AGR3: variants seen among roughly 807,000 people sequenced by gnomAD.
The protein encoded by AGR3 is anterior gradient 3, protein disulphide isomerase family member.
AGR3 carries 37 observed loss-of-function variants against 24.5 expected under a neutral mutation model. The observed-to-expected ratio is 1.51, with a 90% CI of 1.16 to 1.99. AGR3 has a LOEUF of 1.99. Ranked by LOEUF, AGR3 falls within the 30% of genes most tolerant of loss-of-function variation. The pLI is 0.00. For synonymous variants in AGR3, 75 were observed against 61.6 expected, an observed-to-expected ratio of 1.22 and a Z score of -1.02; for missense variants, 228 against 191.1, an observed-to-expected ratio of 1.19 and a Z score of -1.14.
At chr7:16,878,391 A>T in intron 2 of AGR3, 119 bp downstream of exon 2, 5 of 852,690 alleles carry the variant, frequency 5.9e-6, no homozygotes, top group Non-Finnish European at 9.0e-6. Context: ...AGTCACACAC[A>T]ACAAAAATCA....
At chr7:16,856,079 T>A (rs986214109), downstream of AGR3, among the ~76,000 whole-genome samples, 8 of 152,224 alleles carry the variant, frequency 5.3e-5, no homozygotes, top group African/African-American at 1.9e-4. Context: ...GTTTCTCTAC[T>A]GATTTCACAT....
chr7:16,865,827 A>C lies in AGR3; in HGVS notation c.174-3165T>G. On this transcript the variant is annotated intron_variant, in intron 3 of 7. Transcript: ENST00000310398. ...AAATCTGGTAAAACTGGATTAATCC[A>C]CTCTTGTACTTGAATACCATTCTCC... 2.7e-6 allele frequency: 2 copies of C among 744,156 alleles called. 1 individual carries two copies. Among genetic ancestry groups the C allele is most frequent in the Non-Finnish European group, 5.0e-6 (2 of 397,332 alleles). 46.1% of individuals were successfully genotyped at this position (744,156 alleles called of 1,614,324 possible). A position where few individuals can be genotyped will look rare whatever the true frequency, so the allele number is the denominator to read the frequency against.
intron 3 of AGR3, among the ~76,000 whole-genome samples, chr7:16,870,322 G>T (rs150214527): frequency 2.6e-5 from 4 of 151,710 alleles, no homozygotes; most frequent in Non-Finnish European, 5.9e-5. Context: ...AGTTTTTCAC[G>T]TATATAAATT....
intron 2 of AGR3, among the ~76,000 whole-genome samples, chr7:16,875,494 A>G (rs866790701): frequency 1.2e-4 from 18 of 151,976 alleles, no homozygotes; most frequent in African/African-American, 4.4e-4. Flanking sequence ...ACCATATTTT[A>G]TTTATCTGTT....
At chr7:16,876,468 A>G (rs929956258) in intron 2 of AGR3, among the ~76,000 whole-genome samples, 1 of 151,882 alleles carries the variant, frequency 6.6e-6, no homozygotes, top group African/African-American at 2.4e-5. Flanking sequence ...CCTTTTTCTA[A>G]TTAATCTTCC....
chr7:16,868,566 G>A (rs1321916585), intron 3 of AGR3, among the ~76,000 whole-genome samples: 3 of 152,104 alleles, frequency 2.0e-5, no homozygotes, highest in African/African-American at 7.2e-5. Flanking sequence ...CTTTTCAGAT[G>A]TATGGCTTTC....
chr7:16,863,337 A>C (rs1781685874), intron 3 of AGR3, among the ~76,000 whole-genome samples: 1 of 152,196 alleles, frequency 6.6e-6, no homozygotes, highest in Non-Finnish European at 1.5e-5. Context: ...AAGTTTTTAC[A>C]AAAAAGCTGT....
intron 2 of AGR3, among the ~76,000 whole-genome samples, chr7:16,874,675 CCA>C (rs1781951201): frequency 6.6e-6 from 1 of 152,098 alleles, no homozygotes; most frequent in Admixed American, 6.6e-5. Flanking sequence ...TGTTGTCAGA[CCA>C]CAGTTTCTGG....
intron 2 of AGR3, among the ~76,000 whole-genome samples, chr7:16,877,489 C>T (rs532417521): frequency 2.0e-4 from 30 of 151,848 alleles, no homozygotes; most frequent in Non-Finnish European, 4.0e-4. Flanking sequence ...TGTGGTAATA[C>T]TGCTGATTTT....
chr7:16,863,896 G>A (rs763032005), intron 3 of AGR3, among the ~76,000 whole-genome samples: 8 of 151,484 alleles, frequency 5.3e-5, no homozygotes, highest in Non-Finnish European at 8.8e-5. Flanking sequence ...ACCCATAATT[G>A]CATCCTAAAC....
downstream of AGR3, among the ~76,000 whole-genome samples, chr7:16,856,314 T>C (rs1030910564): frequency 2.6e-5 from 4 of 152,176 alleles, no homozygotes; most frequent in African/African-American, 9.7e-5. Flanking sequence ...TGAATAGAAA[T>C]GTTGCTATTT....
downstream of AGR3, among the ~76,000 whole-genome samples, chr7:16,855,552 C>G (rs565014945): frequency 5.3e-5 from 8 of 152,122 alleles, no homozygotes; most frequent in Non-Finnish European, 1.0e-4. Context: ...CTTATTTTGT[C>G]AGATTGTGTG....
At chr7:16,876,364 G>C (rs1243204991) in intron 2 of AGR3, among the ~76,000 whole-genome samples, 1 of 152,034 alleles carries the variant, frequency 6.6e-6, no homozygotes, top group Non-Finnish European at 1.5e-5. Flanking sequence ...CCAATCACTG[G>C]ACTAGGTACT....
chr7:16,874,949 C>G (rs553784515), intron 2 of AGR3, among the ~76,000 whole-genome samples: 1 of 151,912 alleles, frequency 6.6e-6, no homozygotes, highest in South Asian at 2.1e-4. Flanking sequence ...TAATCTGTCT[C>G]TACTAAAAAT....
intron 1 of AGR3, among the ~76,000 whole-genome samples, chr7:16,881,609 A>G (rs967681777): frequency 2.0e-5 from 3 of 152,226 alleles, no homozygotes; most frequent in African/African-American, 7.2e-5. Flanking sequence ...TTCAAAAGTA[A>G]TTTAACGTAA....
At chr7:16,865,065 T>C in intron 3 of AGR3, 1 of 782,946 alleles carries the variant, frequency 1.3e-6, no homozygotes, top group South Asian at 1.4e-5. Flanking sequence ...CCAAGATGAG[T>C]CTGATTCTGT....
intron 2 of AGR3, among the ~76,000 whole-genome samples, chr7:16,875,474 G>A (rs768493777): frequency 7.2e-5 from 11 of 151,944 alleles, no homozygotes; most frequent in Non-Finnish European, 1.6e-4. Flanking sequence ...TTATTCCATT[G>A]TATGAATATA....
intron 1 of AGR3, 41 bp from the exon 2 acceptor site, chr7:16,878,686 T>C: frequency 7.4e-7 from 1 of 1,353,316 alleles, no homozygotes; most frequent in Non-Finnish European, 1.1e-6. Context: ...AGTGAATTAC[T>C]TCAAGCTATT....
Position 16,859,644 on chromosome 7 carries a change from T to G in AGR3, c.452-13A>C. The G allele has an allele frequency of 7.0e-7, 1 of 1,429,628 alleles. No individual in the cohort carries two copies. The highest frequency in any genetic ancestry group is 9.6e-7 in the Non-Finnish European group (1 of 1,040,044). The allele number at this position is 1,429,628 out of a possible 1,614,324, so 88.6% of individuals were successfully genotyped here. On this transcript the variant is annotated splice_polypyrimidine_tract_variant and intron_variant, in intron 7 of 7. Coordinates refer to ENST00000310398, the MANE Select transcript of AGR3 (RefSeq NM_176813.5). ...ATGTTTTCTATCACTGAAATAAGAGTTAATATATATTATGCTATTAATAAA... is the reference window on the plus strand; with the variant it reads ...ATGTTTTCTATCACTGAAATAAGAGGTAATATATATTATGCTATTAATAAA...
Sources: allele counts gnomAD v4.1 joint callset (sites outside exome capture counted in the v4.1 genomes callset), GRCh38; gene constraint gnomAD v4.1.1; transcripts MANE v1.5; gene names NCBI Gene and HGNC (gene_info 2026-07-23, HGNC 2026-07-21).